The following DTNB variants were observed in gnomAD, a reference collection of about 807,000 sequenced individuals.
DTNB encodes the protein dystrobrevin beta.
DTNB carries 63 observed loss-of-function variants against 90.7 expected under a neutral mutation model. That is an observed-to-expected ratio of 0.69 (90% CI 0.57 to 0.86). The LOEUF (loss-of-function observed/expected upper bound fraction) is 0.86, where lower values mean the gene tolerates loss of function less well. Among genes scored for constraint, DTNB ranks in the 40% least tolerant of loss-of-function variants. The pLI, the probability that DTNB is intolerant of heterozygous loss-of-function variation, is 0.00. For missense variants in DTNB, 744 were observed against 807.1 expected (o/e 0.92, Z 0.95); for synonymous variants, 277 against 286.7 (o/e 0.97, Z 0.34).
chr2:25,547,304 C>T (rs1422722219), intron 8 of DTNB, among the ~76,000 whole-genome samples: 2 of 146,938 alleles, frequency 1.4e-5, no homozygotes, highest in African/African-American at 5.0e-5. Context: ...AAGAGTCATG[C>T]ACCTGTATTC....
intron 15 of DTNB, among the ~76,000 whole-genome samples, chr2:25,422,479 C>T (rs1574185799): frequency 7.4e-6 from 1 of 135,708 alleles, no homozygotes; most frequent in African/African-American, 2.8e-5. Context: ...GATCTCGGCT[C>T]AGTGTGACCT....
chr2:25,656,266 C>T (rs1226107427), intron 1 of DTNB, among the ~76,000 whole-genome samples: 1 of 152,194 alleles, frequency 6.6e-6, no homozygotes, highest in Non-Finnish European at 1.5e-5. Context: ...AACCATTTCC[C>T]TAGGCCCAGT....
chr2:25,664,870 T>C (rs554094354), intron 1 of DTNB, among the ~76,000 whole-genome samples: 20 of 152,080 alleles, frequency 1.3e-4, no homozygotes, highest in African/African-American at 4.8e-4. Context: ...TTCTTTCTAT[T>C]GTGTCACATC....
At chr2:25,642,815 G>A (rs774701901) in intron 2 of DTNB, among the ~76,000 whole-genome samples, 5 of 151,202 alleles carry the variant, frequency 3.3e-5, no homozygotes, top group Admixed American at 6.6e-5. Context: ...GTGCAGTGGC[G>A]CGATCTCAGC....
intron 3 of DTNB, among the ~76,000 whole-genome samples, chr2:25,629,421 T>C (rs138966571): frequency 6.6e-6 from 1 of 152,252 alleles, no homozygotes; most frequent in East Asian, 1.9e-4. Context: ...CGGACCCAAA[T>C]ATGTCAGTTA....
At chr2:25,630,287 G>A (rs973088664) in intron 3 of DTNB, among the ~76,000 whole-genome samples, 1 of 152,314 alleles carries the variant, frequency 6.6e-6, no homozygotes, top group African/African-American at 2.4e-5. Context: ...AACTGCTGGT[G>A]CAAATGCAAA....
intron 9 of DTNB, among the ~76,000 whole-genome samples, chr2:25,520,697 A>T (rs2075988499): frequency 6.6e-6 from 1 of 152,240 alleles, no homozygotes; most frequent in African/African-American, 2.4e-5. Context: ...CTTAAAGCAT[A>T]ATTGTCTAAA....
At chr2:25,612,196 T>C (rs958140719) in intron 4 of DTNB, among the ~76,000 whole-genome samples, 1 of 151,800 alleles carries the variant, frequency 6.6e-6, no homozygotes, top group African/African-American at 2.4e-5. Context: ...ACAAAAAGAA[T>C]AAGAAATTAT....
chr2:25,531,607 A>G lies in DTNB; in HGVS notation c.877-10T>C. 6.2e-7 allele frequency: 1 copy of G among 1,612,864 alleles called. No homozygotes were observed. Among genetic ancestry groups the G allele is most frequent in the Admixed American group, 1.7e-5 (1 of 59,588 alleles). ...TCTTTGCAGGAGATTTCTGTGTCAA[A>G]GCAGAAAATAGTAAGGAATTAACCC... is the stretch of plus-strand genomic sequence containing the variant. On this transcript the variant is annotated splice_polypyrimidine_tract_variant and intron_variant, in intron 8 of 20. Coordinates refer to ENST00000406818, the MANE Select transcript of DTNB (RefSeq NM_021907.5).
rs893328979 is a variant in DTNB at position 25,576,787 on chromosome 2, T to C, written c.876+51A>G. ...AGGAAACTGGCCCAGGTGCTGTTAC[T>C]GATCAAACAGATTAACACTCAGGGA... On this transcript the variant is annotated intron_variant, in intron 8 of 20. Coordinates refer to ENST00000406818, the MANE Select transcript of DTNB (RefSeq NM_021907.5). 11 of 1,531,246 alleles carry C rather than the reference T, an allele frequency of 7.2e-6. No individual in the cohort carries two copies. The African/African-American group carries it at 1.4e-4, about 19-fold the overall frequency. 94.9% of individuals were successfully genotyped at this position (1,531,246 alleles called of 1,614,324 possible).
chr2:25,638,522 TTAAG>T (rs1439834624), intron 3 of DTNB, among the ~76,000 whole-genome samples: 1 of 152,152 alleles, frequency 6.6e-6, no homozygotes, highest in East Asian at 1.9e-4. Flanking sequence ...AGAAGAAAGA[TTAAG>T]TATATACACA....
chr2:25,398,385 G>A (rs956213429), intron 16 of DTNB, among the ~76,000 whole-genome samples: 4 of 152,248 alleles, frequency 2.6e-5, no homozygotes, highest in Non-Finnish European at 1.5e-5. Flanking sequence ...AGCCCTTGGC[G>A]TTAGGATCAC....
chr2:25,521,675 T>G (rs2076160824), intron 9 of DTNB, among the ~76,000 whole-genome samples: 1 of 152,206 alleles, frequency 6.6e-6, no homozygotes. Flanking sequence ...GGTGAGCCAC[T>G]GAGGCCAGTC....
chr2:25,577,863 G>T (rs1328890416), intron 7 of DTNB, among the ~76,000 whole-genome samples: 2 of 152,192 alleles, frequency 1.3e-5, no homozygotes, highest in Admixed American at 6.5e-5. Context: ...AGCTGAGCGT[G>T]GTGGCGCATG....
intron 10 of DTNB, among the ~76,000 whole-genome samples, chr2:25,465,571 C>T (rs1206464987): frequency 6.6e-6 from 1 of 152,166 alleles, no homozygotes; most frequent in East Asian, 1.9e-4. Flanking sequence ...TTTCTACGCT[C>T]GGCCCTCTGC....
intron 15 of DTNB, among the ~76,000 whole-genome samples, chr2:25,421,420 G>GGCCA (rs2049660959): frequency 3.3e-5 from 5 of 152,340 alleles, no homozygotes; most frequent in Admixed American, 3.3e-4. Context: ...GCTGAACACT[G>GGCCA]GCTCTGGCAG....
At chr2:25,483,341 G>A (rs2065390139) in intron 9 of DTNB, among the ~76,000 whole-genome samples, 1 of 152,174 alleles carries the variant, frequency 6.6e-6, no homozygotes, top group South Asian at 2.1e-4. Flanking sequence ...CAACATCGAG[G>A]TGCATGCTGT....
chr2:25,447,851 T>A (rs2058663465), intron 12 of DTNB, among the ~76,000 whole-genome samples: 2 of 152,090 alleles, frequency 1.3e-5, no homozygotes, highest in African/African-American at 4.8e-5. Context: ...GTATAATGCT[T>A]CAAGGGCCTA....
chr2:25,565,578 T>A (rs920245452), intron 8 of DTNB, among the ~76,000 whole-genome samples: 2 of 151,928 alleles, frequency 1.3e-5, no homozygotes, highest in Non-Finnish European at 1.5e-5. Flanking sequence ...CTTTTTCAGG[T>A]TGAGAAAGTT....
Sources: allele counts gnomAD v4.1 joint callset (sites outside exome capture counted in the v4.1 genomes callset), GRCh38; gene constraint gnomAD v4.1.1; transcripts MANE v1.5; gene names NCBI Gene and HGNC (gene_info 2026-07-23, HGNC 2026-07-21).